SMAP1: variants seen among roughly 807,000 people sequenced by gnomAD.
The protein encoded by SMAP1 is stromal membrane-associated protein 1.
A neutral mutation model predicts 58.5 loss-of-function variants in SMAP1; 24 were observed. That is an observed-to-expected ratio of 0.41 (90% CI 0.30 to 0.58). The LOEUF is 0.58. Among genes scored for constraint, SMAP1 ranks in the 20% least tolerant of loss-of-function variants. SMAP1 has a pLI of 0.29. For missense variants in SMAP1, 563 were observed against 566.3 expected (o/e 0.99, Z 0.06); for synonymous variants, 216 against 196.6 (o/e 1.10, Z -0.82).
At chr6:70,786,070 T>G (rs1008284916) in intron 4 of SMAP1, among the ~76,000 whole-genome samples, 3 of 152,148 alleles carry the variant, frequency 2.0e-5, no homozygotes, top group South Asian at 4.1e-4. Flanking sequence ...ACTGGCAAAC[T>G]GAATCCAGCA....
intron 1 of SMAP1, among the ~76,000 whole-genome samples, chr6:70,687,499 A>C (rs1766982054): frequency 6.6e-6 from 1 of 152,108 alleles, no homozygotes; most frequent in African/African-American, 2.4e-5. Context: ...CTCTGTTTTG[A>C]AGAGTAAAGT....
intron 2 of SMAP1, among the ~76,000 whole-genome samples, chr6:70,750,991 G>A (rs1222986752): frequency 6.6e-6 from 1 of 152,188 alleles, no homozygotes; most frequent in Admixed American, 6.5e-5. Context: ...TGTAATCCCA[G>A]CACTTTGGGA....
chr6:70,828,743 ACCAT>A (rs1429151224), intron 6 of SMAP1, among the ~76,000 whole-genome samples: 1 of 152,204 alleles, frequency 6.6e-6, no homozygotes, highest in African/African-American at 2.4e-5. Flanking sequence ...AGATACAAGC[ACCAT>A]CTAGCACCTT....
intron 3 of SMAP1, among the ~76,000 whole-genome samples, chr6:70,772,045 A>G (rs1767347840): frequency 6.6e-6 from 1 of 152,162 alleles, no homozygotes; most frequent in Admixed American, 6.5e-5. Context: ...ATACACCCAC[A>G]CTCACTCATA....
At chr6:70,823,533 G>A (rs551294634) in intron 6 of SMAP1, among the ~76,000 whole-genome samples, 25 of 152,190 alleles carry the variant, frequency 1.6e-4, no homozygotes, top group African/African-American at 5.5e-4. Flanking sequence ...TCAAAATACA[G>A]TTGTCTGTTG....
intron 4 of SMAP1, among the ~76,000 whole-genome samples, chr6:70,781,518 G>C (rs532095493): frequency 1.3e-5 from 2 of 152,166 alleles, no homozygotes; most frequent in Non-Finnish European, 2.9e-5. Context: ...ACAGCCATTT[G>C]AGAATTGCTG....
At chr6:70,755,683 G>A (rs1766457998) in intron 3 of SMAP1, among the ~76,000 whole-genome samples, 1 of 151,968 alleles carries the variant, frequency 6.6e-6, no homozygotes, top group Non-Finnish European at 1.5e-5. Flanking sequence ...AGTGTAAAAT[G>A]TTATGACTGA....
At chr6:70,786,048 T>C (rs1206181366) in intron 4 of SMAP1, among the ~76,000 whole-genome samples, 1 of 152,044 alleles carries the variant, frequency 6.6e-6, no homozygotes, top group East Asian at 1.9e-4. Flanking sequence ...ATGCAAAAAT[T>C]CTCAATAAAA....
At chr6:70,785,451 C>T (rs1390305531) in intron 4 of SMAP1, among the ~76,000 whole-genome samples, 1 of 152,124 alleles carries the variant, frequency 6.6e-6, no homozygotes, top group African/African-American at 2.4e-5. Flanking sequence ...TAACTAAAAT[C>T]AGAGCAGAAC....
intron 2 of SMAP1, among the ~76,000 whole-genome samples, chr6:70,747,126 G>C (rs999431468): frequency 4.6e-5 from 7 of 152,296 alleles, no homozygotes; most frequent in African/African-American, 1.7e-4. Flanking sequence ...TGGGACTGTA[G>C]AACTGGGTTC....
At position 70,755,004 on chromosome 6, in the gene SMAP1, A is replaced by G. The variant is rs1375971960; in HGVS notation, c.277A>G (p.Lys93Glu). 6.2e-7 allele frequency: 1 copy of G among 1,610,082 alleles called. No individual in the cohort carries two copies. The highest frequency in any genetic ancestry group is 8.5e-7 in the Non-Finnish European group (1 of 1,177,282). ...IQCMQDMGNT[K>E]ARLLYEANLP... is the part of the protein sequence containing the mutation. ...GTGCATGCAAGATATGGGAAATACT[A>G]AAGCAAGACTACTCTATGAAGCCAA... Residue 93 changes from lysine to glutamate, a missense_variant, in exon 3 of 11, where the codon AAA becomes GAA. Physicochemically the swap from Lys to Glu is moderately conservative, Grantham distance 56. This residue lies in a region of SMAP1 where 494 missense variants were observed against 473.8 expected (regional missense o/e 1.04). Coordinates refer to ENST00000370455, the MANE Select transcript of SMAP1 (RefSeq NM_001044305.3).
intron 2 of SMAP1, among the ~76,000 whole-genome samples, chr6:70,742,709 C>T (rs1192348591): frequency 1.3e-5 from 2 of 152,160 alleles, no homozygotes; most frequent in Admixed American, 6.6e-5. Flanking sequence ...AGTCTGTTTT[C>T]ATGCTGCTGA....
intron 1 of SMAP1, among the ~76,000 whole-genome samples, chr6:70,715,103 C>T (rs199606761): frequency 2.7e-3 from 297 of 108,374 alleles, no homozygotes; most frequent in Middle Eastern, 5.4e-3. Flanking sequence ...TTTTTTTTTC[C>T]TTTTTTTTTT....
intron 2 of SMAP1, among the ~76,000 whole-genome samples, chr6:70,744,805 T>C (rs555085738): frequency 3.7e-4 from 57 of 152,260 alleles, no homozygotes; most frequent in Admixed American, 8.5e-4. Flanking sequence ...TAAAAGTGTT[T>C]CTGTTTCTCC....
chr6:70,704,607 G>T lies in SMAP1; in HGVS notation c.119-27771G>T, dbSNP rs191748125. 1.2e-3 allele frequency among the ~76,000 whole-genome samples: 189 copies of T among 152,196 alleles called. 1 individual carries two copies. Among genetic ancestry groups the T allele is most frequent in the Non-Finnish European group, 2.3e-3 (159 of 67,998 alleles). ...TCAAACTGGTACAGAATTTGCCTTA[G>T]TCTTTGAGTTTATTCTTCCTGCTAA... On this transcript the variant is annotated intron_variant, in intron 1 of 10. Transcript: ENST00000370455.
chr6:70,815,048 C>T (rs1387212130), intron 6 of SMAP1, among the ~76,000 whole-genome samples: 1 of 152,138 alleles, frequency 6.6e-6, no homozygotes, highest in Non-Finnish European at 1.5e-5. Flanking sequence ...CAAAGATAAT[C>T]TTAGCATTTT....
chr6:70,720,929 C>T (rs1768497386), intron 1 of SMAP1, among the ~76,000 whole-genome samples: 1 of 152,176 alleles, frequency 6.6e-6, no homozygotes, highest in Non-Finnish European at 1.5e-5. Flanking sequence ...ACATTTTCCC[C>T]ATGGTCACGG....
chr6:70,736,613 A>G (rs539769806), intron 2 of SMAP1, among the ~76,000 whole-genome samples: 12 of 152,352 alleles, frequency 7.9e-5, no homozygotes, highest in South Asian at 6.2e-4. Context: ...TCTTTATTCT[A>G]CTTGCAGCTT....
intron 2 of SMAP1, among the ~76,000 whole-genome samples, chr6:70,753,238 G>A (rs1766350283): frequency 6.6e-6 from 1 of 152,050 alleles, no homozygotes; most frequent in South Asian, 2.1e-4. Flanking sequence ...GTTAAAATAT[G>A]AAAAAATGTA....
Sources: gnomAD v4.1 joint callset for allele counts (sites outside exome capture counted in the v4.1 genomes callset) on GRCh38, gnomAD v4.1.1 for gene constraint, gnomAD v4.1.1 regional missense constraint, MANE v1.5 for transcripts, NCBI Gene and HGNC (gene_info 2026-07-23, HGNC 2026-07-21) for gene names.